SCAPER: variants seen among roughly 807,000 people sequenced by gnomAD.
SCAPER encodes S-phase cyclin A associated protein in the ER, also known as S phase cyclin A-associated protein in the endoplasmic reticulum.
A neutral mutation model predicts 182.2 loss-of-function variants in SCAPER; 98 were observed. The observed-to-expected ratio is 0.54, with a 90% CI of 0.46 to 0.64. The LOEUF (loss-of-function observed/expected upper bound fraction) is 0.64. Ranked by LOEUF, SCAPER falls within the 30% of genes least tolerant of loss-of-function variation. The pLI, the probability that SCAPER is intolerant of heterozygous loss-of-function variation, is 0.00. For synonymous variants in SCAPER, 605 were observed against 564.6 expected (o/e 1.07, Z -1.01); for missense variants, 1,432 against 1,690.0 (o/e 0.85, Z 2.68).
At chr15:76,568,811 A>G (rs1293020096) in intron 23 of SCAPER, among the ~76,000 whole-genome samples, 2 of 152,114 alleles carry the variant, frequency 1.3e-5, no homozygotes, top group African/African-American at 2.4e-5. Context: ...AACTGGGTAG[A>G]AAAGAAAAAT....
chr15:76,721,695 A>G (rs896520515), intron 17 of SCAPER, among the ~76,000 whole-genome samples: 3 of 151,872 alleles, frequency 2.0e-5, no homozygotes, highest in Non-Finnish European at 2.9e-5. Context: ...GCAATTGTGA[A>G]TGGGAGTTCA....
At chr15:76,522,557 C>T (rs1434246498) in intron 23 of SCAPER, among the ~76,000 whole-genome samples, 1 of 152,126 alleles carries the variant, frequency 6.6e-6, no homozygotes, top group Non-Finnish European at 1.5e-5. Flanking sequence ...TGTTGAAATA[C>T]ATACAAGCAT....
At chr15:76,768,927 T>C (rs1042190497) in intron 10 of SCAPER, among the ~76,000 whole-genome samples, 1 of 152,124 alleles carries the variant, frequency 6.6e-6, no homozygotes, top group African/African-American at 2.4e-5. Context: ...TCAAATGTCT[T>C]TGGGCAAGTG....
chr15:76,388,795 C>T (rs2043457263), intron 27 of SCAPER, among the ~76,000 whole-genome samples: 1 of 151,646 alleles, frequency 6.6e-6, no homozygotes, highest in Non-Finnish European at 1.5e-5. Context: ...CCTGTCTCTA[C>T]TAAAAACACA....
chr15:76,860,170 T>C (rs961288462), intron 3 of SCAPER, among the ~76,000 whole-genome samples: 2 of 152,216 alleles, frequency 1.3e-5, no homozygotes, highest in Non-Finnish European at 2.9e-5. Flanking sequence ...ACAACTTTAA[T>C]AGAAACACCT....
chr15:76,865,359 A>G (rs2072195534), intron 2 of SCAPER, among the ~76,000 whole-genome samples: 1 of 152,160 alleles, frequency 6.6e-6, no homozygotes. Context: ...AGGAAGTGAT[A>G]AAAGTAATAA....
intron 4 of SCAPER, among the ~76,000 whole-genome samples, chr15:76,848,699 T>C (rs920426959): frequency 6.6e-6 from 1 of 152,204 alleles, no homozygotes; most frequent in Non-Finnish European, 1.5e-5. Context: ...GAACATTAAA[T>C]AACACACTCA....
intron 21 of SCAPER, among the ~76,000 whole-genome samples, chr15:76,663,123 T>A (rs917874681): frequency 6.6e-6 from 1 of 152,114 alleles, no homozygotes. Context: ...CCCATTTTTT[T>A]AAATTGGGAC....
At chr15:76,632,933 C>G (rs1396575514) in intron 21 of SCAPER, among the ~76,000 whole-genome samples, 2 of 151,934 alleles carry the variant, frequency 1.3e-5, no homozygotes, top group Non-Finnish European at 2.9e-5. Flanking sequence ...CACCACCACA[C>G]CCGGCTCAAT....
intron 23 of SCAPER, among the ~76,000 whole-genome samples, chr15:76,522,297 A>G (rs1176871615): frequency 6.6e-6 from 1 of 152,144 alleles, no homozygotes; most frequent in Non-Finnish European, 1.5e-5. Flanking sequence ...ATTTATTCCA[A>G]TTTGAATTTG....
intron 22 of SCAPER, among the ~76,000 whole-genome samples, chr15:76,586,885 T>C (rs1429974684): frequency 6.6e-6 from 1 of 152,070 alleles, no homozygotes; most frequent in Non-Finnish European, 1.5e-5. Context: ...TGGTACCAAT[T>C]CTTCTTTGAA....
chr15:76,547,419 T>C (rs1180323871), intron 23 of SCAPER, among the ~76,000 whole-genome samples: 3 of 152,166 alleles, frequency 2.0e-5, no homozygotes, highest in Admixed American at 2.0e-4. Flanking sequence ...TTGCCAGTTA[T>C]ATATGTTGTA....
chr15:76,644,673 C>T (rs189053878), intron 21 of SCAPER, among the ~76,000 whole-genome samples: 4 of 152,060 alleles, frequency 2.6e-5, no homozygotes, highest in Non-Finnish European at 5.9e-5. Flanking sequence ...CCACAATACC[C>T]AGTATAAAAC....
chr15:76,766,752 G>A (rs1356016003), intron 11 of SCAPER, among the ~76,000 whole-genome samples, 166 bp downstream of exon 11: 1 of 152,206 alleles, frequency 6.6e-6, no homozygotes, highest in Non-Finnish European at 1.5e-5. Flanking sequence ...ATTGTTTATT[G>A]TGTAAGTCTA....
intron 23 of SCAPER, among the ~76,000 whole-genome samples, chr15:76,524,696 T>G (rs1256671607): frequency 1.4e-5 from 2 of 143,156 alleles, no homozygotes; most frequent in Non-Finnish European, 3.1e-5. Flanking sequence ...TCTGTTTTTT[T>G]TTTTTTTTTT....
chr15:76,820,005 A>C lies in SCAPER; in HGVS notation c.394-15372T>G, dbSNP rs904483831. ...ATGAAAAAATGCTCATCATCACTGG[A>C]CATCAGAGAAATGCAAATCAAAACC... On this transcript the variant is annotated intron_variant, in intron 5 of 31. Coordinates refer to ENST00000563290, the MANE Select transcript of SCAPER (RefSeq NM_020843.4). Among the ~76,000 whole-genome samples, 95 of 152,324 alleles carry C rather than the reference A, an allele frequency of 6.2e-4. 1 individual carries two copies. The East Asian group carries it at 9.2e-3, about 15-fold the overall frequency.
At chr15:76,728,876 A>C in intron 16 of SCAPER, 139 bp from the exon 17 acceptor site, 1 of 843,166 alleles carries the variant, frequency 1.2e-6, no homozygotes, top group Non-Finnish European at 1.8e-6. Context: ...CTGCTTCTTA[A>C]AGTTTAAACA....
chr15:76,733,238 T>G lies in SCAPER; in HGVS notation c.2013A>C (p.Glu671Asp), dbSNP rs2061033749. 1.9e-6 allele frequency: 3 copies of G among 1,571,084 alleles called. No homozygotes were observed. In the African/African-American group the frequency reaches 4.1e-5, roughly 21 times the overall value. Residue 671 changes from glutamate to aspartate, a missense_variant, in exon 16 of 32, where the codon GAA (glutamate) becomes GAC (aspartate). Around this residue, in one of 5 missense-constraint regions of SCAPER, gnomAD observed 88 missense variants for 184.2 expected, o/e 0.48. Coordinates refer to ENST00000563290, the MANE Select transcript of SCAPER (RefSeq NM_020843.4). ...AATAAAAAAATCCTACCTGCACAGC[T>G]TCATCACGTGCTTGCTTTTCTTCCT... ...RRQEEKQARD[E>D]AVQERKRALE...
At chr15:76,403,019 C>T (rs548884926) in intron 27 of SCAPER, among the ~76,000 whole-genome samples, 1 of 152,268 alleles carries the variant, frequency 6.6e-6, no homozygotes, top group African/African-American at 2.4e-5. Flanking sequence ...TGATATTGAT[C>T]TGGATTCGAG....
Sources: gnomAD v4.1 joint callset for allele counts (sites outside exome capture counted in the v4.1 genomes callset) on GRCh38, gnomAD v4.1.1 for gene constraint, gnomAD v4.1.1 regional missense constraint, MANE v1.5 for transcripts, NCBI Gene and HGNC (gene_info 2026-07-23, HGNC 2026-07-21) for gene names.